The following TSHZ3 variants were observed in gnomAD, a reference collection of about 807,000 sequenced individuals.
The protein encoded by TSHZ3 is teashirt zinc finger homeobox 3.
A neutral mutation model predicts 64.5 loss-of-function variants in TSHZ3; 10 were observed. The ratio of observed to expected loss-of-function variants is 0.16; its 90% CI spans 0.10 to 0.26. The LOEUF is 0.26. Among genes scored for constraint, TSHZ3 ranks in the 10% least tolerant of loss-of-function variants. TSHZ3 has a pLI of 1.00. For missense variants in TSHZ3, 1,242 were observed against 1,421.7 expected, an observed-to-expected ratio of 0.87 and a Z score of 2.03; for synonymous variants, 608 against 593.1, an observed-to-expected ratio of 1.03 and a Z score of -0.36.
intron 1 of TSHZ3, among the ~76,000 whole-genome samples, chr19:31,291,699 C>T (rs535038442): frequency 3.3e-5 from 5 of 152,330 alleles, no homozygotes; most frequent in Admixed American, 2.0e-4. Context: ...CTGTCCTTGG[C>T]TTCAAGCACA....
chr19:31,254,795 C>A (rs1975887280), intron 1 of TSHZ3, among the ~76,000 whole-genome samples: 1 of 152,126 alleles, frequency 6.6e-6, no homozygotes, highest in Admixed American at 6.5e-5. Flanking sequence ...CGGGAAGTGG[C>A]CTGCTCTGAA....
intron 4 of TSHZ3, among the ~76,000 whole-genome samples, chr19:31,227,082 G>A (rs186867947): frequency 6.8e-4 from 99 of 146,138 alleles, no homozygotes; most frequent in African/African-American, 2.3e-3. Context: ...AGGTTCAAGC[G>A]ATTCTTGTGC....
chr19:31,201,944 A>C (rs1474738769), intron 5 of TSHZ3, among the ~76,000 whole-genome samples: 1 of 152,152 alleles, frequency 6.6e-6, no homozygotes, highest in Non-Finnish European at 1.5e-5. Flanking sequence ...AGGTGGGTGG[A>C]TCACCTGAGG....
intron 1 of TSHZ3, among the ~76,000 whole-genome samples, chr19:31,297,369 A>C (rs1294765271): frequency 6.6e-6 from 1 of 152,250 alleles, no homozygotes; most frequent in Non-Finnish European, 1.5e-5. Context: ...TCTGCTGTGA[A>C]GACTGAATAA....
In TSHZ3 at chr19:31,277,155, C is replaced by G; in HGVS notation, c.2638G>C (p.Glu880Gln). ...EKSDIDGATL[E>Q]EAEESTPAQK... Reference sequence around the variant, plus strand: ...GCGGGCGTCGACTCCTCAGCCTCCTCCAGAGTGGCCCCGTCAATGTCAGAC... The same window carrying G: ...GCGGGCGTCGACTCCTCAGCCTCCTGCAGAGTGGCCCCGTCAATGTCAGAC... The change falls in exon 2 of 2, where the codon GAG (glutamate) becomes CAG (glutamine). Residue 880 changes from glutamate to glutamine, a missense_variant. Physicochemically the swap from Glu to Gln is conservative, Grantham distance 29. Around this residue, in one of 4 missense-constraint regions of TSHZ3, gnomAD observed 550 missense variants for 545.1 expected, o/e 1.01. Transcript: ENST00000240587. This position sits in a 1 kb window ranked among gnomAD's most constrained non-coding sequence, Gnocchi z 4.5. 6.2e-7 allele frequency: 1 copy of G among 1,613,328 alleles called. No homozygotes were observed. Among genetic ancestry groups the G allele is most frequent in the Non-Finnish European group, 8.5e-7 (1 of 1,179,528 alleles).
rs774284900 is a variant in TSHZ3, at chr19:31,279,383, T to C, written c.410A>G (p.Asn137Ser). Residue 137 changes from asparagine (N) to serine (S), a missense_variant, in exon 2 of 2, where the codon AAC (asparagine) becomes AGC (serine). Asn to Ser is a conservative substitution (Grantham distance 46). Transcript: ENST00000240587. This position sits in a 1 kb window ranked among gnomAD's most constrained non-coding sequence, Gnocchi z 6.4. ...CTTCTCCGAGGAGGGCTGGTGCAGG[T>C]TGAGGTTGAGGTTGGACCAGTAGGA... ...SNSYWSNLNLNLHQPSSEKNN... is the reference protein window; with the variant it reads ...SNSYWSNLNLSLHQPSSEKNN... 5.0e-6 allele frequency: 8 copies of C among 1,613,928 alleles called. No individual in the cohort carries two copies. The Admixed American group carries it at 6.7e-5, about 13-fold the overall frequency.
rs75301683 is a variant in TSHZ3 at position 31,157,595 on chromosome 19, G to T, written n.810-1178C>A. 2.4e-3 allele frequency among the ~76,000 whole-genome samples: 362 copies of T among 152,284 alleles called. 1 individual carries two copies. Among genetic ancestry groups the T allele is most frequent in the African/African-American group, 8.3e-3 (345 of 41,556 alleles). On this transcript the variant is annotated intron_variant and non_coding_transcript_variant, in intron 5 of 6. Transcript: ENST00000651361. ...AAAAAAATGTTGAAGGAAAAGGGTA[G>T]ATTATAACATAAAATGCCATGATGC...
chr19:31,236,667 C>G (rs1599598375), intron 3 of TSHZ3, among the ~76,000 whole-genome samples: 1 of 152,014 alleles, frequency 6.6e-6, no homozygotes, highest in Admixed American at 6.6e-5. Flanking sequence ...CAAAAATAAA[C>G]TAAAAATGAA....
chr19:31,291,424 G>C (rs908984367), intron 1 of TSHZ3, among the ~76,000 whole-genome samples: 1 of 152,158 alleles, frequency 6.6e-6, no homozygotes, highest in African/African-American at 2.4e-5. Context: ...CTTCATGAGG[G>C]GGATGGCTCA....
In TSHZ3 at chr19:31,252,947, T is replaced by C. The variant is rs114822853; in HGVS notation, n.64-10072A>G. Among the ~76,000 whole-genome samples, 216 of 152,290 alleles carry C rather than the reference T, an allele frequency of 1.4e-3. 2 individuals carry two copies. Among genetic ancestry groups the C allele is most frequent in the Middle Eastern group, 0.01 (3 of 294 alleles). ...TAATAATACTATTAGCCTCATAAAA[T>C]TATGGTGAAGATTTAACAAGACAAT... On this transcript the variant is annotated intron_variant and non_coding_transcript_variant, in intron 1 of 6. Transcript: ENST00000651361.
intron 1 of TSHZ3, among the ~76,000 whole-genome samples, chr19:31,337,118 G>A (rs932628900): frequency 2.0e-5 from 3 of 148,686 alleles, no homozygotes; most frequent in Non-Finnish European, 4.4e-5. Flanking sequence ...TCTGACAATA[G>A]CGTGTTTCTA....
intron 1 of TSHZ3, chr19:31,348,929 G>C (rs2021606679): frequency 2.1e-6 from 1 of 466,004 alleles, no homozygotes; most frequent in South Asian, 3.5e-5. Flanking sequence ...TAGGGACCTG[G>C]CGCGGCTCAG....
At chr19:31,274,082 T>C (rs936283547), downstream of TSHZ3, among the ~76,000 whole-genome samples, 3 of 151,976 alleles carry the variant, frequency 2.0e-5, no homozygotes, top group African/African-American at 7.2e-5. Flanking sequence ...GGAAAAACCG[T>C]AGGCGTGTTG....
intron 1 of TSHZ3, among the ~76,000 whole-genome samples, chr19:31,259,718 G>C (rs1975960140): frequency 6.6e-6 from 1 of 152,186 alleles, no homozygotes; most frequent in Non-Finnish European, 1.5e-5. Flanking sequence ...TCAAGATGCT[G>C]GGTGTAGACG....
At position 31,277,301 on chromosome 19, in the gene TSHZ3, A is replaced by T; in HGVS notation, c.2492T>A (p.Val831Glu). 6.2e-7 allele frequency: 1 copy of T among 1,613,638 alleles called. No individual in the cohort carries two copies. The highest frequency in any genetic ancestry group is 8.5e-7 in the Non-Finnish European group (1 of 1,179,512). The change falls in exon 2 of 2, where the codon GTA becomes GAA. Residue 831 changes from valine (V) to glutamate (E), a missense_variant. By Grantham distance (121) the Val-to-Glu change is moderately radical (BLOSUM62 -2). Coordinates refer to ENST00000240587, the MANE Select transcript of TSHZ3 (RefSeq NM_020856.4). This position sits in a 1 kb window ranked among gnomAD's most constrained non-coding sequence, Gnocchi z 4.5. ...TAGCGGCGAGTTTGACATGAATGATACGACGGCAGATGTCTTTGCCGTTGT... is the reference window on the plus strand; with the variant it reads ...TAGCGGCGAGTTTGACATGAATGATTCGACGGCAGATGTCTTTGCCGTTGT... ...TVTTAKTSAV[V>E]SFMSNSPLRE...
At chr19:31,295,681 G>A (rs1976648678) in intron 1 of TSHZ3, among the ~76,000 whole-genome samples, 1 of 152,088 alleles carries the variant, frequency 6.6e-6, no homozygotes, top group South Asian at 2.1e-4. Flanking sequence ...CCTGGGCCCT[G>A]GAGGCACAGG....
intron 5 of TSHZ3, among the ~76,000 whole-genome samples, chr19:31,170,224 G>T (rs1005055435): frequency 6.6e-6 from 1 of 152,104 alleles, no homozygotes; most frequent in African/African-American, 2.4e-5. Context: ...ATCAGGTTCG[G>T]GTGAGGGCTC....
intron 5 of TSHZ3, among the ~76,000 whole-genome samples, chr19:31,178,480 G>A (rs984004143): frequency 1.3e-5 from 2 of 152,152 alleles, no homozygotes; most frequent in African/African-American, 4.8e-5. Flanking sequence ...AGGAGTTCAA[G>A]ACCAGCTTGG....
At chr19:31,323,258 C>T (rs910286014) in intron 1 of TSHZ3, among the ~76,000 whole-genome samples, 5 of 152,214 alleles carry the variant, frequency 3.3e-5, no homozygotes, top group African/African-American at 9.6e-5. Flanking sequence ...ATGCTGCCAC[C>T]GTAGATCCCT....
Sources: gnomAD v4.1 joint callset for allele counts (sites outside exome capture counted in the v4.1 genomes callset) on GRCh38, gnomAD v4.1.1 for gene constraint, gnomAD v4.1.1 regional missense constraint, Gnocchi (gnomAD v3.1) non-coding constraint, MANE v1.5 for transcripts, NCBI Gene and HGNC (gene_info 2026-07-23, HGNC 2026-07-21) for gene names.